The following STK31 variants were observed in gnomAD, a reference collection of about 807,000 sequenced individuals.
The protein encoded by STK31 is serine/threonine-protein kinase 31.
Under a neutral mutation model 129.7 loss-of-function variants are expected in STK31, and 89 were observed. The ratio of observed to expected loss-of-function variants is 0.69; its 90% confidence interval spans 0.58 to 0.82. The LOEUF (loss-of-function observed/expected upper bound fraction) is 0.82. Ranked by LOEUF, STK31 falls within the 40% of genes least tolerant of loss-of-function variation. The probability of loss-of-function intolerance (pLI) is 0.00; values close to 1 mark genes in which losing one functional copy is unlikely to be tolerated. For synonymous variants in STK31, 448 were observed against 395.3 expected, an observed-to-expected ratio of 1.13 and a Z score of -1.58; for missense variants, 1,187 against 1,176.4, an observed-to-expected ratio of 1.01 and a Z score of -0.13.
intron 22 of STK31, among the ~76,000 whole-genome samples, chr7:23,797,282 A>G (rs1183373233): frequency 6.6e-6 from 1 of 152,172 alleles, no homozygotes; most frequent in African/African-American, 2.4e-5. Context: ...ACACCTACAG[A>G]ACTCTCCACC....
intron 22 of STK31, among the ~76,000 whole-genome samples, chr7:23,804,326 T>A (rs533118727): frequency 1.2e-4 from 19 of 152,272 alleles, no homozygotes; most frequent in African/African-American, 4.6e-4. Context: ...TCTTTATTAT[T>A]GTCTGCTTCT....
chr7:23,809,113 C>G (rs893195736), intron 22 of STK31, among the ~76,000 whole-genome samples: 4 of 151,856 alleles, frequency 2.6e-5, no homozygotes, highest in Non-Finnish European at 5.9e-5. Context: ...CTTCTTCTTT[C>G]CATCTTTTAG....
chr7:23,715,454 A>G (rs1786252907), intron 3 of STK31, among the ~76,000 whole-genome samples: 1 of 23,436 alleles, frequency 4.3e-5, no homozygotes, highest in African/African-American at 1.7e-4. Context: ...TGTCGCTACA[A>G]AAAAAAAAAA....
intron 11 of STK31, among the ~76,000 whole-genome samples, chr7:23,765,527 T>C (rs1351263684): frequency 6.6e-6 from 1 of 151,228 alleles, no homozygotes. Flanking sequence ...TCGTTTCTTT[T>C]TCTCTCTTTT....
chr7:23,783,506 T>C (rs1791063887), intron 16 of STK31, 77 bp from the exon 17 acceptor site: 1 of 1,030,144 alleles, frequency 9.7e-7, no homozygotes, highest in Non-Finnish European at 1.4e-6. Context: ...GATGCTGATA[T>C]ATTTTCCTGA....
At chr7:23,735,999 T>A in intron 7 of STK31, 103 bp downstream of exon 7, 1 of 925,400 alleles carries the variant, frequency 1.1e-6, no homozygotes, top group Non-Finnish European at 1.6e-6. Context: ...ACTGTGTCAG[T>A]GATTTTAAGG....
At chr7:23,827,605 C>G (rs1036452478) in intron 23 of STK31, among the ~76,000 whole-genome samples, 1 of 152,184 alleles carries the variant, frequency 6.6e-6, no homozygotes, top group African/African-American at 2.4e-5. Flanking sequence ...TCGTCAAAGT[C>G]ATTCTCTGTC....
At chr7:23,739,731 A>G (rs1787942447) in intron 8 of STK31, among the ~76,000 whole-genome samples, 1 of 152,198 alleles carries the variant, frequency 6.6e-6, no homozygotes, top group Non-Finnish European at 1.5e-5. Flanking sequence ...AAAATAGGGA[A>G]TCCTTTCCCC....
At chr7:23,829,465 C>T in intron 23 of STK31, among the ~76,000 whole-genome samples, 1 of 152,128 alleles carries the variant, frequency 6.6e-6, no homozygotes. Context: ...CCTAGCATCC[C>T]TGGGATAAAT....
chr7:23,715,397 C>T (rs894446640), intron 3 of STK31, among the ~76,000 whole-genome samples: 7 of 150,602 alleles, frequency 4.6e-5, no homozygotes, highest in African/African-American at 1.7e-4. Flanking sequence ...GTGAGAGGAT[C>T]GCCTGAGCCC....
At chr7:23,790,995 A>G (rs915514516) in intron 22 of STK31, 49 bp downstream of exon 22, 11 of 1,292,788 alleles carry the variant, frequency 8.5e-6, no homozygotes, top group Admixed American at 6.5e-5. Flanking sequence ...ATATTTCAGT[A>G]TATAAAGTGA....
At chr7:23,822,971 C>A (rs1009151205) in intron 23 of STK31, among the ~76,000 whole-genome samples, 5 of 152,128 alleles carry the variant, frequency 3.3e-5, no homozygotes, top group African/African-American at 1.2e-4. Flanking sequence ...GTATATGTGC[C>A]ACATTTTCTT....
intron 3 of STK31, among the ~76,000 whole-genome samples, chr7:23,714,037 G>T (rs1488203463): frequency 1.3e-5 from 2 of 152,006 alleles, no homozygotes; most frequent in East Asian, 3.9e-4. Flanking sequence ...TGTTACAATG[G>T]CTAGGACTAC....
intron 11 of STK31, among the ~76,000 whole-genome samples, chr7:23,763,692 CTCTT>C (rs965056029): frequency 1.3e-5 from 2 of 152,078 alleles, no homozygotes; most frequent in Admixed American, 1.3e-4. Flanking sequence ...CTGCTGATCT[CTCTT>C]TTAGTTCTCA....
chr7:23,729,505 C>CTT (rs1424442009), intron 6 of STK31, among the ~76,000 whole-genome samples: 2 of 140,942 alleles, frequency 1.4e-5, no homozygotes, highest in African/African-American at 5.5e-5. Flanking sequence ...AGGATAGTCT[C>CTT]TTTTTGTTTT....
intron 15 of STK31, among the ~76,000 whole-genome samples, 164 bp downstream of exon 15, chr7:23,772,442 T>C (rs1285734979): frequency 1.3e-5 from 2 of 152,184 alleles, no homozygotes; most frequent in Non-Finnish European, 2.9e-5. Flanking sequence ...ATAAATAAAA[T>C]TGAGATTACA....
chr7:23,719,359 C>G (rs1480944746), intron 4 of STK31, among the ~76,000 whole-genome samples: 1 of 151,900 alleles, frequency 6.6e-6, no homozygotes, highest in African/African-American at 2.4e-5. Flanking sequence ...AACAAAAACT[C>G]CCTCCTAAAT....
intron 10 of STK31, among the ~76,000 whole-genome samples, chr7:23,759,373 A>T (rs1480280924): frequency 1.3e-5 from 2 of 152,226 alleles, no homozygotes; most frequent in Admixed American, 1.3e-4. Flanking sequence ...TGACCACATA[A>T]TTGGAAGTAA....
At chr7:23,776,264 G>C (rs1444091113) in intron 15 of STK31, among the ~76,000 whole-genome samples, 2 of 140,780 alleles carry the variant, frequency 1.4e-5, no homozygotes, top group Non-Finnish European at 3.2e-5. Context: ...ATCAATGTTC[G>C]TCAGGGATAT....
Sources: gnomAD v4.1 joint callset for allele counts (sites outside exome capture counted in the v4.1 genomes callset) on GRCh38, gnomAD v4.1.1 for gene constraint, MANE v1.5 for transcripts, NCBI Gene and HGNC (gene_info 2026-07-23, HGNC 2026-07-21) for gene names.